SEMA3E: variants seen among roughly 807,000 people sequenced by gnomAD.
The protein encoded by SEMA3E is semaphorin-3E.
Under a neutral mutation model 93.6 loss-of-function variants are expected in SEMA3E, and 49 were observed. That is an observed-to-expected ratio of 0.52 (90% CI 0.42 to 0.66). The LOEUF (loss-of-function observed/expected upper bound fraction) is 0.66. Among genes scored for constraint, SEMA3E ranks in the 30% least tolerant of loss-of-function variants. The pLI is 0.00. For missense variants in SEMA3E, 906 were observed against 964.8 expected (o/e 0.94, Z 0.81); for synonymous variants, 363 against 330.7 (o/e 1.10, Z -1.06).
intron 1 of SEMA3E, among the ~76,000 whole-genome samples, chr7:83,508,220 A>T (rs1306683340): frequency 6.6e-6 from 1 of 151,984 alleles, no homozygotes. Flanking sequence ...CTGAATATAA[A>T]AATATTAACT....
At position 83,600,852 on chromosome 7, in the gene SEMA3E, A is replaced by G. The variant is rs146445991; in HGVS notation, c.115+47576T>C. 1.0e-2 allele frequency among the ~76,000 whole-genome samples: 1,518 copies of G among 152,272 alleles called. 25 individuals carry two copies. The highest frequency in any genetic ancestry group is 0.035 in the African/African-American group (1,434 of 41,558). ...CAATTACTTAGACTAGACTCTAGAG[A>G]GTCATGGTACTTGGAATAATGGCAT... On this transcript the variant is annotated intron_variant, in intron 1 of 16. Coordinates refer to ENST00000643230, the MANE Select transcript of SEMA3E (RefSeq NM_012431.3).
intron 1 of SEMA3E, among the ~76,000 whole-genome samples, chr7:83,580,902 T>C (rs1584344689): frequency 6.6e-6 from 1 of 152,012 alleles, no homozygotes; most frequent in African/African-American, 2.4e-5. Flanking sequence ...TAGCTATTAA[T>C]ATGTTGAATT....
At chr7:83,545,120 T>C (rs796888724) in intron 1 of SEMA3E, among the ~76,000 whole-genome samples, 2 of 152,196 alleles carry the variant, frequency 1.3e-5, no homozygotes, top group African/African-American at 4.8e-5. Context: ...TACTTGTTGA[T>C]TCCAAAATGA....
intron 4 of SEMA3E, among the ~76,000 whole-genome samples, chr7:83,465,848 T>C (rs147027290): frequency 1.6e-3 from 249 of 152,326 alleles, no homozygotes; most frequent in Middle Eastern, 6.8e-3. Flanking sequence ...GAATAGGTTA[T>C]ATGACTGATC....
At chr7:83,563,197 A>C (rs954409431) in intron 1 of SEMA3E, among the ~76,000 whole-genome samples, 39 of 152,190 alleles carry the variant, frequency 2.6e-4, no homozygotes, top group African/African-American at 8.7e-4. Flanking sequence ...GTTGATCAAC[A>C]CAGACAAACT....
At chr7:83,476,994 ATAAAT>A (rs943677744) in intron 2 of SEMA3E, among the ~76,000 whole-genome samples, 1 of 152,212 alleles carries the variant, frequency 6.6e-6, no homozygotes, top group African/African-American at 2.4e-5. Flanking sequence ...AAAATAAAGT[ATAAAT>A]TAAATTACAA....
chr7:83,570,047 T>C (rs897323588), intron 1 of SEMA3E, among the ~76,000 whole-genome samples: 1 of 152,084 alleles, frequency 6.6e-6, no homozygotes, highest in East Asian at 1.9e-4. Flanking sequence ...GCAATAAAAA[T>C]AGAAAACAAT....
chr7:83,412,633 A>C (rs1013540295), intron 5 of SEMA3E, among the ~76,000 whole-genome samples: 1 of 151,890 alleles, frequency 6.6e-6, no homozygotes, highest in Non-Finnish European at 1.5e-5. Flanking sequence ...ATGGGGGCCT[A>C]CACCTGTGGT....
At chr7:83,389,117 G>T (rs1017801653) in intron 14 of SEMA3E, among the ~76,000 whole-genome samples, 1 of 151,796 alleles carries the variant, frequency 6.6e-6, no homozygotes, top group Non-Finnish European at 1.5e-5. Flanking sequence ...TACTGAACTA[G>T]ATTGAAAATA....
At chr7:83,469,153 G>T in intron 3 of SEMA3E, 90 bp downstream of exon 3, 1 of 1,042,088 alleles carries the variant, frequency 9.6e-7, no homozygotes, top group Non-Finnish European at 1.5e-6. Context: ...ACTTTTATAA[G>T]AGCAAATAAA....
chr7:83,463,491 G>A (rs1430394758), intron 4 of SEMA3E, among the ~76,000 whole-genome samples: 73 of 139,380 alleles, frequency 5.2e-4, no homozygotes, highest in African/African-American at 1.2e-3. Flanking sequence ...CACAATTACC[G>A]TTGTTGCTGG....
At chr7:83,478,499 T>C (rs929553264) in intron 2 of SEMA3E, among the ~76,000 whole-genome samples, 2 of 152,228 alleles carry the variant, frequency 1.3e-5, no homozygotes, top group African/African-American at 4.8e-5. Context: ...GTCTTAGTAA[T>C]TTTCAAATGT....
At chr7:83,481,184 C>T (rs957621460) in intron 2 of SEMA3E, among the ~76,000 whole-genome samples, 13 of 151,824 alleles carry the variant, frequency 8.6e-5, no homozygotes, top group African/African-American at 1.9e-4. Flanking sequence ...GTCAATCAAG[C>T]GAAAAATGTC....
intron 9 of SEMA3E, among the ~76,000 whole-genome samples, chr7:83,403,659 C>A (rs1231360671): frequency 6.6e-6 from 1 of 151,808 alleles, no homozygotes; most frequent in African/African-American, 2.4e-5. Context: ...AAGTGTTTTG[C>A]AAAATTCAAA....
At chr7:83,599,218 T>C (rs550268507) in intron 1 of SEMA3E, among the ~76,000 whole-genome samples, 1 of 152,316 alleles carries the variant, frequency 6.6e-6, no homozygotes, top group Admixed American at 6.5e-5. Flanking sequence ...ATACTTTCCA[T>C]TTCTAACCTT....
chr7:83,383,506 C>T (rs540773949), intron 16 of SEMA3E, among the ~76,000 whole-genome samples: 5 of 151,734 alleles, frequency 3.3e-5, no homozygotes, highest in South Asian at 2.1e-4. Flanking sequence ...TAAATCAATC[C>T]GTATATAGCT....
chr7:83,456,370 G>A (rs921912924), intron 4 of SEMA3E, among the ~76,000 whole-genome samples: 3 of 152,028 alleles, frequency 2.0e-5, no homozygotes, highest in Non-Finnish European at 4.4e-5. Context: ...AAAGTGCTCT[G>A]AGACTTTTGA....
rs149153740 is a variant in SEMA3E, at chr7:83,441,642, A to G, written c.457-23159T>C. ...TTAATTTAATCATCACAGCAACCCT[A>G]TATGTGAGGTAAGCTCCATTTTATG... On this transcript the variant is annotated intron_variant, in intron 4 of 16. Transcript: ENST00000643230. Among the ~76,000 whole-genome samples, 7 of 152,294 alleles carry G rather than the reference A, an allele frequency of 4.6e-5. No individual in the cohort carries two copies. In the East Asian group the frequency reaches 1.2e-3, roughly 25 times the overall value.
rs545707048 is a variant in SEMA3E at position 83,552,163 on chromosome 7, C to T, written c.116-61889G>A. On this transcript the variant is annotated intron_variant, in intron 1 of 16. Transcript: ENST00000643230. Reference sequence around the variant, plus strand: ...CTTCTGTCTCTGCTTAGGTTACTGCCGTCCTACATTGTTGCAGGAAGTCAG... The same window carrying T: ...CTTCTGTCTCTGCTTAGGTTACTGCTGTCCTACATTGTTGCAGGAAGTCAG... Among the ~76,000 whole-genome samples, 16 of 152,232 alleles carry T rather than the reference C, an allele frequency of 1.1e-4. No homozygotes were observed. In the East Asian group the frequency reaches 2.1e-3, roughly 20 times the overall value.
Sources: gnomAD v4.1 joint callset for allele counts (sites outside exome capture counted in the v4.1 genomes callset) on GRCh38, gnomAD v4.1.1 for gene constraint, MANE v1.5 for transcripts, NCBI Gene and HGNC (gene_info 2026-07-23, HGNC 2026-07-21) for gene names.